Variants in BTBD9 observed in about 807,000 individuals in gnomAD.
BTBD9 encodes the protein BTB domain containing 9.
In BTBD9, 49 loss-of-function variants were observed where a neutral mutation model predicts 64.3. That is an observed-to-expected ratio of 0.76 (90% confidence interval 0.61 to 0.97). The LOEUF (loss-of-function observed/expected upper bound fraction) is 0.97. Ranked by LOEUF, BTBD9 falls within the 50% of genes least tolerant of loss-of-function variation. The probability of loss-of-function intolerance (pLI) is 0.00; values close to 1 mark genes in which losing one functional copy is unlikely to be tolerated. For synonymous variants in BTBD9, 260 were observed against 274.7 expected (o/e 0.95, Z 0.53); for missense variants, 598 against 762.1 (o/e 0.78, Z 2.53).
intron 6 of BTBD9, among the ~76,000 whole-genome samples, chr6:38,396,100 G>A (rs1351698833): frequency 1.3e-5 from 2 of 152,102 alleles, no homozygotes; most frequent in Admixed American, 6.6e-5. Flanking sequence ...GGTGACTGAG[G>A]TAAGAAGTTA....
intron 6 of BTBD9, among the ~76,000 whole-genome samples, chr6:38,540,830 A>C (rs1774235946): frequency 6.6e-6 from 1 of 152,206 alleles, no homozygotes; most frequent in Non-Finnish European, 1.5e-5. Flanking sequence ...CTTAAGTATA[A>C]ATTTTTTAAA....
chr6:38,581,395 G>A (rs75016876), intron 4 of BTBD9, among the ~76,000 whole-genome samples: 307 of 152,186 alleles, frequency 2.0e-3, no homozygotes, highest in African/African-American at 6.8e-3. Context: ...AAACAAGATC[G>A]TTTAAAAAAG....
intron 9 of BTBD9, among the ~76,000 whole-genome samples, chr6:38,202,087 T>G (rs1460038116): frequency 1.3e-5 from 1 of 74,620 alleles, no homozygotes; most frequent in Non-Finnish European, 2.5e-5. Context: ...TTTTTTTTGT[T>G]TTTTTTTTTT....
At chr6:38,511,762 T>C (rs185195824) in intron 6 of BTBD9, among the ~76,000 whole-genome samples, 38 of 152,208 alleles carry the variant, frequency 2.5e-4, no homozygotes, top group African/African-American at 7.5e-4. Context: ...CTCACAGATA[T>C]GGAAAAGTTT....
intron 6 of BTBD9, among the ~76,000 whole-genome samples, chr6:38,519,034 T>C (rs1331084370): frequency 6.6e-6 from 1 of 152,206 alleles, no homozygotes; most frequent in African/African-American, 2.4e-5. Flanking sequence ...CCAATACATA[T>C]GCTTTTTGTG....
intron 6 of BTBD9, among the ~76,000 whole-genome samples, chr6:38,519,760 C>T (rs1259784255): frequency 1.3e-5 from 2 of 152,166 alleles, no homozygotes; most frequent in East Asian, 1.9e-4. Context: ...CCAGCTCCAG[C>T]TACCCTTGAG....
intron 6 of BTBD9, among the ~76,000 whole-genome samples, chr6:38,385,794 CTTT>C (rs34019950): frequency 2.3e-5 from 3 of 129,410 alleles, no homozygotes; most frequent in Non-Finnish European, 1.6e-5. Context: ...TAATATCATA[CTTT>C]TTTTTTTTTT....
chr6:38,185,491 T>C (rs1761776885), intron 10 of BTBD9, among the ~76,000 whole-genome samples: 1 of 152,198 alleles, frequency 6.6e-6, no homozygotes, highest in South Asian at 2.1e-4. Context: ...GCCTCGATGT[T>C]ACAGCCAGAC....
At chr6:38,620,119 A>G (rs1777933817) in intron 1 of BTBD9, among the ~76,000 whole-genome samples, 1 of 152,206 alleles carries the variant, frequency 6.6e-6, no homozygotes. Context: ...ATATTCTCAG[A>G]TATTTAAAAG....
At chr6:38,181,548 C>T (rs1761555077) in intron 10 of BTBD9, among the ~76,000 whole-genome samples, 1 of 152,188 alleles carries the variant, frequency 6.6e-6, no homozygotes, top group Non-Finnish European at 1.5e-5. Flanking sequence ...TTATGCTCGC[C>T]TCAGAGCAGA....
At chr6:38,407,143 C>T (rs1166136033) in intron 6 of BTBD9, among the ~76,000 whole-genome samples, 2 of 152,212 alleles carry the variant, frequency 1.3e-5, no homozygotes, top group Non-Finnish European at 2.9e-5. Context: ...TATTTTCCTA[C>T]AGGTTTGGAA....
chr6:38,177,036 C>G (rs1011453294), intron 10 of BTBD9, among the ~76,000 whole-genome samples: 1 of 152,200 alleles, frequency 6.6e-6, no homozygotes, highest in Admixed American at 6.5e-5. Flanking sequence ...CACGCCCACA[C>G]GCAGGACTTT....
chr6:38,285,334 G>A (rs987142674), intron 8 of BTBD9, among the ~76,000 whole-genome samples: 5 of 152,166 alleles, frequency 3.3e-5, no homozygotes, highest in African/African-American at 7.2e-5. Flanking sequence ...GGAAGGTGAA[G>A]GAGAGGAAGG....
intron 7 of BTBD9, among the ~76,000 whole-genome samples, chr6:38,320,332 A>G (rs1001780913): frequency 1.3e-5 from 2 of 152,156 alleles, no homozygotes; most frequent in Non-Finnish European, 2.9e-5. Context: ...GGAGGCTTCT[A>G]TTTGGCCATC....
chr6:38,198,861 G>A (rs945561136), intron 9 of BTBD9, among the ~76,000 whole-genome samples: 16 of 152,154 alleles, frequency 1.1e-4, no homozygotes, highest in Non-Finnish European at 2.2e-4. Flanking sequence ...CAAAGAGGAA[G>A]AATGAGGAGG....
At chr6:38,540,916 T>C (rs183923044) in intron 6 of BTBD9, among the ~76,000 whole-genome samples, 1 of 152,354 alleles carries the variant, frequency 6.6e-6, no homozygotes, top group East Asian at 1.9e-4. Context: ...CGTTCTATGA[T>C]GTTACATGCT....
At chr6:38,208,386 A>G (rs1219506012) in intron 9 of BTBD9, among the ~76,000 whole-genome samples, 3 of 152,182 alleles carry the variant, frequency 2.0e-5, no homozygotes, top group African/African-American at 7.2e-5. Flanking sequence ...TGGGCCAAGG[A>G]CCACATTCAT....
At chr6:38,540,227 C>T (rs904043012) in intron 6 of BTBD9, among the ~76,000 whole-genome samples, 2 of 152,124 alleles carry the variant, frequency 1.3e-5, no homozygotes, top group Admixed American at 6.5e-5. Flanking sequence ...AACTTTTTGG[C>T]CTGGGTCAAG....
chr6:38,383,603 A>C (rs956354859), intron 6 of BTBD9, among the ~76,000 whole-genome samples: 4 of 152,206 alleles, frequency 2.6e-5, no homozygotes, highest in Non-Finnish European at 4.4e-5. Flanking sequence ...AACCTAACAA[A>C]AGATGTAGCA....
Sources: allele counts gnomAD v4.1 joint callset (sites outside exome capture counted in the v4.1 genomes callset), GRCh38; gene constraint gnomAD v4.1.1; transcripts MANE v1.5; gene names NCBI Gene and HGNC (gene_info 2026-07-23, HGNC 2026-07-21).